The following CNTN4 variants were observed in gnomAD, a reference collection of about 807,000 sequenced individuals.
CNTN4 encodes contactin-4.
Under a neutral mutation model 122.5 loss-of-function variants are expected in CNTN4, and 77 were observed. The observed-to-expected ratio is 0.63, with a 90% confidence interval of 0.52 to 0.76. The LOEUF (loss-of-function observed/expected upper bound fraction) is 0.76, where lower values mean the gene tolerates loss of function less well. Among genes scored for constraint, CNTN4 ranks in the 30% least tolerant of loss-of-function variants. The pLI is 0.00. For missense variants in CNTN4, 1,256 were observed against 1,259.1 expected, an observed-to-expected ratio of 1.00 and a Z score of 0.04; for synonymous variants, 512 against 447.0, an observed-to-expected ratio of 1.15 and a Z score of -1.83.
At chr3:2,275,012 C>G (rs2041447619) in intron 2 of CNTN4, among the ~76,000 whole-genome samples, 1 of 152,222 alleles carries the variant, frequency 6.6e-6, no homozygotes, top group Admixed American at 6.5e-5. Context: ...ATAAACTACT[C>G]CAAGTGGATA....
At chr3:2,265,197 C>G (rs1160381586) in intron 2 of CNTN4, among the ~76,000 whole-genome samples, 3 of 106,232 alleles carry the variant, frequency 2.8e-5, no homozygotes, top group Non-Finnish European at 6.6e-5. Context: ...TATTTCGTTC[C>G]TTTTTATGGT....
chr3:2,648,602 TC>T (rs2083231937), intron 4 of CNTN4, among the ~76,000 whole-genome samples: 1 of 152,136 alleles, frequency 6.6e-6, no homozygotes, highest in South Asian at 2.1e-4. Flanking sequence ...GGCTGGCCTC[TC>T]CCCCATCTCT....
chr3:2,313,532 T>C (rs1028299827), intron 2 of CNTN4, among the ~76,000 whole-genome samples: 1 of 151,906 alleles, frequency 6.6e-6, no homozygotes, highest in African/African-American at 2.4e-5. Flanking sequence ...AAAGTGTCCT[T>C]TACCAAGCAG....
At chr3:2,886,411 AT>A (rs1210408073) in intron 9 of CNTN4, among the ~76,000 whole-genome samples, 124 of 74,592 alleles carry the variant, frequency 1.7e-3, no homozygotes, top group African/African-American at 4.6e-3. Flanking sequence ...AAAAAAAAAT[AT>A]ATTAAAAAAA....
rs190513233 is a variant in CNTN4 at position 2,718,349 on chromosome 3, T to C, written c.56-17866T>C. ...ATTATCTATGGAATATTTATAAATA[T>C]CTCTATTATGTGCTGGATATTTTGC... On this transcript the variant is annotated intron_variant, in intron 4 of 24. Transcript: ENST00000418658. Among the ~76,000 whole-genome samples the C allele has an allele frequency of 2.6e-5, 4 of 152,276 alleles. No homozygotes were observed. In the East Asian group the frequency reaches 7.7e-4, roughly 29 times the overall value.
At chr3:2,429,030 T>G (rs530764532) in intron 3 of CNTN4, among the ~76,000 whole-genome samples, 9 of 152,232 alleles carry the variant, frequency 5.9e-5, no homozygotes, top group Non-Finnish European at 1.0e-4. Flanking sequence ...ATCCTTCTTT[T>G]GCTCAGAGAG....
intron 2 of CNTN4, among the ~76,000 whole-genome samples, chr3:2,314,828 G>A (rs1436788492): frequency 6.6e-6 from 1 of 151,838 alleles, no homozygotes; most frequent in Non-Finnish European, 1.5e-5. Flanking sequence ...TATCAATTAA[G>A]CAGCAAAATA....
intron 4 of CNTN4, among the ~76,000 whole-genome samples, chr3:2,626,322 T>C (rs2082184713): frequency 1.3e-5 from 2 of 151,712 alleles, no homozygotes; most frequent in Non-Finnish European, 2.9e-5. Context: ...TGAAACCCCA[T>C]CTCTACTAAA....
chr3:2,349,756 G>A (rs964621814), intron 3 of CNTN4, among the ~76,000 whole-genome samples: 2 of 152,158 alleles, frequency 1.3e-5, no homozygotes, highest in African/African-American at 4.8e-5. Context: ...ACCCAGTGGA[G>A]ACATACCAAT....
chr3:2,925,050 G>C (rs1464403309), intron 12 of CNTN4, among the ~76,000 whole-genome samples: 1 of 152,090 alleles, frequency 6.6e-6, no homozygotes, highest in East Asian at 1.9e-4. Context: ...CTTTAAAAGA[G>C]TCCCTCAACA....
rs1006150808 is a variant in CNTN4 at position 2,440,976 on chromosome 3, CATATGTGTGTATATGT to C, written c.-89+101758_-89+101773del. ...TCACACACATATATATTTCTATATA[CATATGTGTGTATATGT>C]ATATGTGTGTATATATATATAAAGG... On this transcript the variant is annotated intron_variant, in intron 3 of 24. Coordinates refer to ENST00000418658, the MANE Select transcript of CNTN4 (RefSeq NM_175607.3). Among the ~76,000 whole-genome samples the C allele has an allele frequency of 2.0e-4, 30 of 149,494 alleles. 1 individual carries two copies. The highest frequency in any genetic ancestry group is 6.6e-4 in the African/African-American group (27 of 40,884).
intron 8 of CNTN4, among the ~76,000 whole-genome samples, chr3:2,869,914 T>C (rs187780685): frequency 4.1e-4 from 62 of 152,334 alleles, no homozygotes; most frequent in Non-Finnish European, 6.9e-4. Flanking sequence ...GAAGAAAGTT[T>C]CAAAAGATAT....
chr3:2,668,800 G>T (rs1037898702), intron 4 of CNTN4, among the ~76,000 whole-genome samples: 2 of 152,160 alleles, frequency 1.3e-5, no homozygotes, highest in African/African-American at 2.4e-5. Flanking sequence ...TTTTTAGCAT[G>T]AAGGGCTGTT....
intron 24 of CNTN4, among the ~76,000 whole-genome samples, 166 bp from the exon 25 acceptor site, chr3:3,055,954 T>G: frequency 6.6e-6 from 1 of 152,160 alleles, no homozygotes; most frequent in Non-Finnish European, 1.5e-5. Context: ...TACTCCCAGG[T>G]TTGTAGCTTG....
chr3:2,159,452 C>G (rs770668304), intron 2 of CNTN4, among the ~76,000 whole-genome samples: 5 of 152,124 alleles, frequency 3.3e-5, no homozygotes, highest in Non-Finnish European at 7.4e-5. Flanking sequence ...AAAGCCAGTT[C>G]AACCTGAATA....
chr3:2,759,582 A>G lies in CNTN4; in HGVS notation c.358+13885A>G, dbSNP rs142436090. On this transcript the variant is annotated intron_variant, in intron 6 of 24. Coordinates refer to ENST00000418658, the MANE Select transcript of CNTN4 (RefSeq NM_175607.3). ...TATTATGAATAATGCTGCTATGAAC[A>G]TTCATATACAGGTTTTTTTGCGGAC... Among the ~76,000 whole-genome samples the G allele has an allele frequency of 3.1e-3, 477 of 152,200 alleles. 5 individuals carry two copies. The highest frequency in any genetic ancestry group is 0.011 in the Admixed American group (163 of 15,290).
chr3:2,408,972 T>C (rs1419368593), intron 3 of CNTN4, among the ~76,000 whole-genome samples: 2 of 152,190 alleles, frequency 1.3e-5, no homozygotes, highest in Non-Finnish European at 2.9e-5. Flanking sequence ...TGTAGGCAGT[T>C]TTTGTATGAA....
At chr3:2,225,154 C>CA (rs1449893916) in intron 2 of CNTN4, among the ~76,000 whole-genome samples, 3 of 132,060 alleles carry the variant, frequency 2.3e-5, no homozygotes, top group African/African-American at 8.8e-5. Context: ...CTGTACCCAC[C>CA]ACCCCCAAAA....
chr3:2,592,616 T>G (rs1463764490), intron 4 of CNTN4, among the ~76,000 whole-genome samples: 14 of 152,138 alleles, frequency 9.2e-5, no homozygotes, highest in Admixed American at 5.2e-4. Flanking sequence ...CCAACATCCA[T>G]GTAAGACAGA....
Sources: gnomAD v4.1 joint callset for allele counts (sites outside exome capture counted in the v4.1 genomes callset) on GRCh38, gnomAD v4.1.1 for gene constraint, MANE v1.5 for transcripts, NCBI Gene and HGNC (gene_info 2026-07-23, HGNC 2026-07-21) for gene names.